NLRP14: variants seen among roughly 807,000 people sequenced by gnomAD.
NLRP14 encodes NLR family pyrin domain containing 14.
A neutral mutation model predicts 94.7 loss-of-function variants in NLRP14; 105 were observed. The ratio of observed to expected loss-of-function variants is 1.11; its 90% CI spans 0.95 to 1.30. The LOEUF (loss-of-function observed/expected upper bound fraction) is 1.30. Ranked by LOEUF, NLRP14 falls within the 50% of genes most tolerant of loss-of-function variation. The pLI, the probability that NLRP14 is intolerant of heterozygous loss-of-function variation, is 0.00. For synonymous variants in NLRP14, 508 were observed against 459.9 expected (o/e 1.10, Z -1.34); for missense variants, 1,362 against 1,254.1 (o/e 1.09, Z -1.30).
chr11:7,051,266 T>C (rs1316484264), intron 6 of NLRP14, among the ~76,000 whole-genome samples: 1 of 152,250 alleles, frequency 6.6e-6, no homozygotes, highest in Non-Finnish European at 1.5e-5. Context: ...GGATGGCCAC[T>C]GAGGAGCAAT....
chr11:7,047,050 T>C (rs1412212369), intron 5 of NLRP14, among the ~76,000 whole-genome samples: 2 of 152,198 alleles, frequency 1.3e-5, no homozygotes, highest in Non-Finnish European at 2.9e-5. Context: ...ACATGGGTTT[T>C]TCAGGCTTGA....
intron 6 of NLRP14, among the ~76,000 whole-genome samples, chr11:7,054,463 A>G (rs947533593): frequency 3.9e-5 from 6 of 152,144 alleles, no homozygotes; most frequent in Admixed American, 2.0e-4. Flanking sequence ...CATCCTCACC[A>G]GTATTTGTTA....
chr11:7,038,554 T>A lies in NLRP14; in HGVS notation c.-21-12T>A. 1 of 1,607,584 alleles carries A rather than the reference T, an allele frequency of 6.2e-7. No individual in the cohort carries two copies. The highest frequency in any genetic ancestry group is 1.7e-5 in the Admixed American group (1 of 60,008). The stretch of plus-strand genomic sequence containing the variant: ...TTCCATGTGCTTTTGGTTATTTTTT[T>A]TCCCCCCACAGAGGCCTGAATATTT... On this transcript the variant is annotated splice_polypyrimidine_tract_variant and intron_variant, in intron 1 of 11. Coordinates refer to ENST00000299481, the MANE Select transcript of NLRP14 (RefSeq NM_176822.4).
chr11:7,043,565 A>G lies in NLRP14; in HGVS notation c.1539A>G (p.Ser513=), dbSNP rs148431696. The change falls in exon 4 of 12, where the codon TCA becomes TCG. Residue 513 remains serine, a synonymous_variant. Coordinates refer to ENST00000299481, the MANE Select transcript of NLRP14 (RefSeq NM_176822.4). Reference sequence around the variant, plus strand: ...GCCAGCCTTTTGAAGATTTGAAGTCATTACTTCAAAGCACAAGTTATAAAG... The same window carrying G: ...GCCAGCCTTTTGAAGATTTGAAGTCGTTACTTCAAAGCACAAGTTATAAAG... ...PSCQPFEDLK[S]LLQSTSYKDP... 477 of 1,614,212 alleles carry G rather than the reference A, an allele frequency of 3.0e-4. 2 individuals carry two copies. The East Asian group carries it at 0.01, about 35-fold the overall frequency.
chr11:7,067,149 T>C (rs997078380), intron 10 of NLRP14, among the ~76,000 whole-genome samples: 7 of 152,198 alleles, frequency 4.6e-5, no homozygotes, highest in African/African-American at 1.7e-4. Flanking sequence ...GGCTCCAGCT[T>C]TGTTCTTTTT....
the NLRP14 span, chr11:7,089,225 C>T: frequency 1.9e-6 from 3 of 1,613,006 alleles, no homozygotes; most frequent in Non-Finnish European, 2.5e-6. Flanking sequence ...GCCGCATCGT[C>T]GAGGTGCTCC....
chr11:7,084,441 T>G, the NLRP14 span, among the ~76,000 whole-genome samples: 1 of 152,142 alleles, frequency 6.6e-6, no homozygotes, highest in African/African-American at 2.4e-5. Flanking sequence ...AAGCCATGAT[T>G]AGAGGTGGAG....
At chr11:7,076,560 C>T in the NLRP14 span, among the ~76,000 whole-genome samples, 2 of 152,268 alleles carry the variant, frequency 1.3e-5, no homozygotes, top group Middle Eastern at 3.4e-3. Flanking sequence ...CTTCCTCCTC[C>T]TTACAGAGCT....
intron 1 of NLRP14, among the ~76,000 whole-genome samples, chr11:7,035,401 C>T (rs779592180): frequency 3.3e-5 from 5 of 152,068 alleles, no homozygotes; most frequent in Non-Finnish European, 7.4e-5. Flanking sequence ...AATTTGCTGC[C>T]CTGGGGTCAT....
rs916663709 is a variant in NLRP14, at chr11:7,060,059, C to G, written c.2799C>G (p.Asp933Glu). The change falls in exon 9 of 12, where the codon GAC becomes GAG. Residue 933 changes from aspartate (D) to glutamate (E), a missense_variant. Transcript: ENST00000299481. ...GGCATCCAAGCTGTAATCTTCAGGA[C>G]TTGGAGTAGGTTTTCTGTTGCTTTA... ...VFRHPSCNLQDLELMGCVLTN... is the reference protein window; with the variant it reads ...VFRHPSCNLQELELMGCVLTN... 2 of 1,611,942 alleles carry G rather than the reference C, an allele frequency of 1.2e-6. No individual in the cohort carries two copies. Among genetic ancestry groups the G allele is most frequent in the Non-Finnish European group, 1.7e-6 (2 of 1,178,482 alleles).
chr11:7,076,679 C>T, the NLRP14 span, among the ~76,000 whole-genome samples: 8 of 152,020 alleles, frequency 5.3e-5, no homozygotes, highest in Admixed American at 3.3e-4. Context: ...ACCAAAGCAC[C>T]GTGTTTCTTT....
intron 11 of NLRP14, 83 bp from the exon 12 acceptor site, chr11:7,071,090 C>A: frequency 2.0e-6 from 3 of 1,509,752 alleles, no homozygotes; most frequent in East Asian, 4.5e-5. Flanking sequence ...TTTTTTTTCT[C>A]CTGAAATAAA....
chr11:7,079,862 C>T, the NLRP14 span, among the ~76,000 whole-genome samples: 7 of 152,272 alleles, frequency 4.6e-5, no homozygotes, highest in South Asian at 4.1e-4. Context: ...AAGCTGAACC[C>T]GATTGGCTAA....
chr11:7,062,464 A>G lies in NLRP14; in HGVS notation c.2936A>G (p.Asp979Gly). ...LQDDGVKILC[D>G]ALRYPNCNIQ... Reference sequence around the variant, plus strand: ...GATGATGGAGTGAAAATTCTGTGTGATGCTTTGAGATATCCAAACTGTAAC... The same window carrying G: ...GATGATGGAGTGAAAATTCTGTGTGGTGCTTTGAGATATCCAAACTGTAAC... Residue 979 changes from aspartate to glycine, a missense_variant, in exon 10 of 12, where the codon GAT becomes GGT. Physicochemically the swap from Asp to Gly is moderately conservative, Grantham distance 94 (BLOSUM62 -1). Coordinates refer to ENST00000299481, the MANE Select transcript of NLRP14 (RefSeq NM_176822.4). 6.2e-7 allele frequency: 1 copy of G among 1,613,166 alleles called. No individual in the cohort carries two copies. The highest frequency in any genetic ancestry group is 1.3e-5 in the African/African-American group (1 of 74,962).
chr11:7,089,996 C>T, the NLRP14 span: 6 of 1,612,908 alleles, frequency 3.7e-6, no homozygotes, highest in African/African-American at 1.3e-5. Context: ...TGCGCGGCGC[C>T]GCCCCAGGAC....
At chr11:7,024,051 A>G (rs1851981909) in intron 1 of NLRP14, among the ~76,000 whole-genome samples, 1 of 152,182 alleles carries the variant, frequency 6.6e-6, no homozygotes, top group African/African-American at 2.4e-5. Flanking sequence ...ACAATGAAAC[A>G]ATGATCTAAC....
chr11:7,065,485 G>T (rs1355478408), intron 10 of NLRP14, among the ~76,000 whole-genome samples: 1 of 151,906 alleles, frequency 6.6e-6, no homozygotes. Context: ...CACATCATTT[G>T]GGAATAATAC....
chr11:7,083,977 G>A, the NLRP14 span, among the ~76,000 whole-genome samples: 1 of 152,178 alleles, frequency 6.6e-6, no homozygotes, highest in African/African-American at 2.4e-5. Flanking sequence ...TCTCAAGTGG[G>A]GGATTTTTGT....
Position 7,042,785 on chromosome 11 carries a change from C to G in NLRP14, c.759C>G (p.Ser253Arg). ...AAGAAATCATGTACCAGCCAAGTAG[C>G]CTCTTGTTTATTATTGACAGTTTCG... ...PIEEIMYQPS[S>R]LLFIIDSFDE... Residue 253 changes from serine to arginine, a missense_variant, in exon 4 of 12, where the codon AGC becomes AGG. By Grantham distance (110) the Ser-to-Arg change is moderately radical (BLOSUM62 -1). Coordinates refer to ENST00000299481, the MANE Select transcript of NLRP14 (RefSeq NM_176822.4). 6.2e-7 allele frequency: 1 copy of G among 1,614,144 alleles called. No individual in the cohort carries two copies. The highest frequency in any genetic ancestry group is 1.1e-5 in the South Asian group (1 of 91,082).
Sources: allele counts gnomAD v4.1 joint callset (sites outside exome capture counted in the v4.1 genomes callset), GRCh38; gene constraint gnomAD v4.1.1; transcripts MANE v1.5; gene names NCBI Gene and HGNC (gene_info 2026-07-23, HGNC 2026-07-21).